CSTF3: variants seen among roughly 807,000 people sequenced by gnomAD.
The protein encoded by CSTF3 is CF-1 77 kDa subunit.
Under a neutral mutation model 105.8 loss-of-function variants are expected in CSTF3, and 29 were observed. The observed-to-expected ratio is 0.27, with a 90% confidence interval of 0.20 to 0.37. The LOEUF is 0.37. Ranked by LOEUF, CSTF3 falls within the 10% of genes least tolerant of loss-of-function variation. The pLI is 1.00. For synonymous variants in CSTF3, 252 were observed against 281.9 expected, an observed-to-expected ratio of 0.89 and a Z score of 1.06; for missense variants, 357 against 879.3, an observed-to-expected ratio of 0.41 and a Z score of 7.51.
At chr11:33,094,532 T>G (rs1179902468) in intron 15 of CSTF3, among the ~76,000 whole-genome samples, 3 of 152,172 alleles carry the variant, frequency 2.0e-5, no homozygotes, top group Non-Finnish European at 4.4e-5. Context: ...AAGACAATAG[T>G]GCTAACACCA....
chr11:33,085,086 C>T lies in CSTF3; in HGVS notation c.*1G>A. 1 of 1,614,068 alleles carries T rather than the reference C, an allele frequency of 6.2e-7. No homozygotes were observed. Among genetic ancestry groups the T allele is most frequent in the Non-Finnish European group, 8.5e-7 (1 of 1,179,984 alleles). ...AGTTTTCTGCAGAGGCGTTTAAAACCCTACCGAATCCGCTTCTGCTGCCGT... is the reference window on the plus strand; with the variant it reads ...AGTTTTCTGCAGAGGCGTTTAAAACTCTACCGAATCCGCTTCTGCTGCCGT... On this transcript the variant is annotated 3_prime_UTR_variant, in exon 21 of 21. Transcript: ENST00000323959.
intron 16 of CSTF3, among the ~76,000 whole-genome samples, chr11:33,091,764 A>G (rs1855171507): frequency 6.6e-6 from 1 of 152,140 alleles, no homozygotes; most frequent in South Asian, 2.1e-4. Context: ...GCTGGAGTGC[A>G]GAGGTGTGAT....
At chr11:33,142,061 A>G in intron 1 of CSTF3, 75 bp from the exon 2 acceptor site, 2 of 1,592,346 alleles carry the variant, frequency 1.3e-6, no homozygotes, top group Non-Finnish European at 8.5e-7. Context: ...CATGAACAAT[A>G]AAGTCCTCAG....
At chr11:33,157,696 A>C (rs1438541568) in intron 1 of CSTF3, among the ~76,000 whole-genome samples, 1 of 152,226 alleles carries the variant, frequency 6.6e-6, no homozygotes, top group African/African-American at 2.4e-5. Context: ...AAAAATGACT[A>C]TCCATATATT....
chr11:33,090,951 T>C (rs1476754553), intron 16 of CSTF3, among the ~76,000 whole-genome samples: 1 of 152,236 alleles, frequency 6.6e-6, no homozygotes, highest in African/African-American at 2.4e-5. Flanking sequence ...ATCTTATTTT[T>C]GCTTAAGTAT....
chr11:33,108,946 A>T (rs931512982), intron 3 of CSTF3, among the ~76,000 whole-genome samples: 7 of 152,236 alleles, frequency 4.6e-5, no homozygotes, highest in Non-Finnish European at 8.8e-5. Context: ...TTATGGGGAA[A>T]ATAAGACAAC....
intron 17 of CSTF3, among the ~76,000 whole-genome samples, chr11:33,087,795 A>G (rs1267793474): frequency 1.3e-5 from 2 of 152,234 alleles, no homozygotes; most frequent in African/African-American, 2.4e-5. Flanking sequence ...AATAAGAAGT[A>G]GAGAGAGGAG....
chr11:33,147,604 C>G (rs1003935595), intron 1 of CSTF3, among the ~76,000 whole-genome samples: 11 of 151,318 alleles, frequency 7.3e-5, no homozygotes, highest in Non-Finnish European at 1.5e-4. Flanking sequence ...TTTACGTAAA[C>G]TAGAATTTCA....
chr11:33,140,670 G>A (rs568296941), intron 3 of CSTF3, among the ~76,000 whole-genome samples: 1 of 152,148 alleles, frequency 6.6e-6, no homozygotes, highest in South Asian at 2.1e-4. Context: ...GTCCAAAACA[G>A]ACCTAAATAT....
At chr11:33,148,885 A>G in intron 1 of CSTF3, among the ~76,000 whole-genome samples, 1 of 146,018 alleles carries the variant, frequency 6.8e-6, no homozygotes. Context: ...TTTTAAAGAG[A>G]CAGGCTCTCT....
At chr11:33,100,363 A>AC in intron 10 of CSTF3, among the ~76,000 whole-genome samples, 1 of 151,492 alleles carries the variant, frequency 6.6e-6, no homozygotes, top group South Asian at 2.1e-4. Context: ...TCAAAAAAAA[A>AC]AAAAAAAATC....
At chr11:33,109,344 A>T (rs1009903606) in intron 3 of CSTF3, among the ~76,000 whole-genome samples, 1 of 152,198 alleles carries the variant, frequency 6.6e-6, no homozygotes, top group Non-Finnish European at 1.5e-5. Context: ...GTAATAGAGT[A>T]GTATTCCCAG....
chr11:33,156,658 T>G (rs925260548), intron 1 of CSTF3: 1 of 451,158 alleles, frequency 2.2e-6, no homozygotes, highest in African/African-American at 2.0e-5. Flanking sequence ...TTCCAAATTC[T>G]AGGATAAGTT....
intron 3 of CSTF3, among the ~76,000 whole-genome samples, chr11:33,136,895 TTA>T (rs1855659720): frequency 6.6e-6 from 1 of 151,916 alleles, no homozygotes; most frequent in Non-Finnish European, 1.5e-5. Context: ...TTACATATTA[TTA>T]TGTTATTCCA....
intron 13 of CSTF3, among the ~76,000 whole-genome samples, chr11:33,097,965 T>C (rs945926273): frequency 2.8e-4 from 42 of 152,320 alleles, no homozygotes; most frequent in African/African-American, 9.4e-4. Context: ...TTGTCATTAA[T>C]GTTGCTGGAG....
intron 15 of CSTF3, among the ~76,000 whole-genome samples, chr11:33,094,323 C>G (rs575985640): frequency 6.6e-5 from 10 of 152,124 alleles, no homozygotes; most frequent in Admixed American, 6.5e-5. Flanking sequence ...TACACCTAAC[C>G]TCAGAACTAT....
intron 5 of CSTF3, 74 bp from the exon 6 acceptor site, chr11:33,106,138 G>GA: frequency 8.8e-7 from 1 of 1,135,918 alleles, no homozygotes; most frequent in Non-Finnish European, 1.3e-6. Flanking sequence ...GGCCAGACAT[G>GA]GTGGCTCATG....
chr11:33,094,393 A>G (rs1340238669), intron 15 of CSTF3, among the ~76,000 whole-genome samples: 1 of 152,168 alleles, frequency 6.6e-6, no homozygotes, highest in Non-Finnish European at 1.5e-5. Context: ...TCCCCCACAA[A>G]AACGTTTTTC....
At chr11:33,123,677 A>C (rs1245618210) in intron 3 of CSTF3, among the ~76,000 whole-genome samples, 2 of 151,584 alleles carry the variant, frequency 1.3e-5, no homozygotes, top group Non-Finnish European at 3.0e-5. Flanking sequence ...AGATTTCCAA[A>C]AGTTACTTTC....
Sources: allele counts gnomAD v4.1 joint callset (sites outside exome capture counted in the v4.1 genomes callset), GRCh38; gene constraint gnomAD v4.1.1; transcripts MANE v1.5; gene names NCBI Gene and HGNC (gene_info 2026-07-23, HGNC 2026-07-21).